Variants in APTX observed in about 807,000 individuals in gnomAD.
The protein encoded by APTX is forkhead-associated domain histidine triad-like protein.
In APTX, 33 loss-of-function variants were observed where a neutral mutation model predicts 42.3. That is an observed-to-expected ratio of 0.78 (90% CI 0.59 to 1.04). The LOEUF (loss-of-function observed/expected upper bound fraction) is 1.04. APTX is among the 50% of genes least tolerant of loss of function. The pLI is 0.00. For missense variants in APTX, 421 were observed against 415.1 expected (o/e 1.01, Z -0.12); for synonymous variants, 130 against 146.7 (o/e 0.89, Z 0.82).
intron 1 of APTX, 149 bp downstream of exon 1, chr9:33,001,418 G>A (rs1836433898): frequency 1.3e-6 from 2 of 1,540,256 alleles, no homozygotes; most frequent in Non-Finnish European, 1.7e-6. Context: ...GTAGTAACAG[G>A]GGAGGACGGA....
intron 1 of APTX, among the ~76,000 whole-genome samples, chr9:33,021,703 G>T (rs2119326911): frequency 6.6e-6 from 1 of 152,112 alleles, no homozygotes; most frequent in East Asian, 1.9e-4. Context: ...CATTAGTCAG[G>T]AAAAATAAGA....
chr9:32,997,914 G>C (rs1213331073), intron 1 of APTX, among the ~76,000 whole-genome samples: 2 of 152,222 alleles, frequency 1.3e-5, no homozygotes, highest in African/African-American at 2.4e-5. Flanking sequence ...AAGACCATCT[G>C]GGGGTGGAGG....
intron 1 of APTX, among the ~76,000 whole-genome samples, chr9:32,996,791 C>T (rs1246537864): frequency 6.6e-6 from 1 of 152,220 alleles, no homozygotes; most frequent in East Asian, 1.9e-4. Context: ...TGCTAACAGA[C>T]TGCATCACTG....
At chr9:33,013,074 A>G (rs1272301331) in intron 1 of APTX, among the ~76,000 whole-genome samples, 1 of 152,224 alleles carries the variant, frequency 6.6e-6, no homozygotes, top group Non-Finnish European at 1.5e-5. Flanking sequence ...TCAATATTTT[A>G]GTAAATCAAT....
At position 32,986,026 on chromosome 9, in the gene APTX, G is replaced by A. The variant is rs1300510296; in HGVS notation, c.488C>T (p.Ser163Phe). 4.7e-6 allele frequency: 5 copies of A among 1,072,600 alleles called. No homozygotes were observed. The highest frequency in any genetic ancestry group is 2.7e-5 in the South Asian group (2 of 75,024). The allele number at this position is 1,072,600 out of a possible 1,614,324, so 66.4% of individuals were successfully genotyped here. The stretch of plus-strand genomic sequence containing the variant: ...CAAGCCTTGACTCCAGTGGCCCAGG[G>A]ATTCCTAAAAAAAAAACAAAAAAAA... ...KGKDAPIKKE[S>F]LGHWSQGLKI... The change falls in exon 5 of 8, where the codon TCC becomes TTC. Residue 163 changes from serine to phenylalanine, a missense_variant. By Grantham distance (155) the Ser-to-Phe change is radical. Transcript: ENST00000379817.
Position 32,974,668 on chromosome 9 carries a change from T to C in APTX, c.771-107A>G, listed in dbSNP as rs910085705. ...TGTATATTCATACTATTGAATACTC[T>C]TTGAATATTCATACTATTGAAGTGA... On this transcript the variant is annotated intron_variant, in intron 6 of 7. Transcript: ENST00000379817. The C allele has an allele frequency of 6.2e-5, 43 of 698,230 alleles. No homozygotes were observed. In the African/African-American group the frequency reaches 7.4e-4, roughly 12 times the overall value. The allele number at this position is 698,230 out of a possible 1,614,324, so 43.3% of individuals were successfully genotyped here.
chr9:33,000,609 G>A (rs1420265517), intron 1 of APTX, among the ~76,000 whole-genome samples: 31 of 115,442 alleles, frequency 2.7e-4, no homozygotes, highest in Non-Finnish European at 5.1e-4. Context: ...CTGGGTAACA[G>A]AGTGAGACTC....
chr9:33,001,712 C>T, upstream of APTX: 1 of 1,468,048 alleles, frequency 6.8e-7, no homozygotes, highest in Non-Finnish European at 9.3e-7. Context: ...AGAATCTTGC[C>T]CACTTCCCAG....
At chr9:32,974,687 G>T (rs921540643) in intron 6 of APTX, 126 bp from the exon 7 acceptor site, 3 of 666,546 alleles carry the variant, frequency 4.5e-6, no homozygotes, top group Non-Finnish European at 8.1e-6. Context: ...TCATACTATT[G>T]AAGTGATAGT....
At chr9:32,998,699 A>T (rs148135905) in intron 1 of APTX, among the ~76,000 whole-genome samples, 388 of 152,156 alleles carry the variant, frequency 2.6e-3, no homozygotes, top group East Asian at 0.024. Flanking sequence ...GGAGGGGAAC[A>T]TCACACACTG....
Position 32,984,997 on chromosome 9 carries a change from AC to A in APTX, c.544-141del, listed in dbSNP as rs1831596746. The A allele has an allele frequency of 1.1e-5, 8 of 760,686 alleles. No individual in the cohort carries two copies. In the Admixed American group the frequency reaches 1.6e-4, roughly 16 times the overall value. The allele number at this position is 760,686 out of a possible 1,614,324, so 47.1% of individuals were successfully genotyped here. On this transcript the variant is annotated intron_variant, in intron 5 of 7. Transcript: ENST00000379817. ...TAGCCCAGTTTTGAGAGAGGAGAGC[AC>A]TGAAATTCAGACAGGTTGAGTGTCT...
At chr9:33,021,047 T>C (rs1838334884) in intron 1 of APTX, among the ~76,000 whole-genome samples, 1 of 151,494 alleles carries the variant, frequency 6.6e-6, no homozygotes, top group Non-Finnish European at 1.5e-5. Context: ...GAGAATCGCT[T>C]GAACCTGGGA....
chr9:33,006,999 C>CAAAAAAAAAAAAAAAAAAAAAAA (rs55924566), intron 1 of APTX, among the ~76,000 whole-genome samples: 4 of 49,444 alleles, frequency 8.1e-5, no homozygotes, highest in Non-Finnish European at 1.0e-4. Flanking sequence ...GACTCTGTCT[C>CAAAAAAAAAAAAAAAAAAAAAAA]AAAAAAAAAA....
intron 1 of APTX, 130 bp from the exon 2 acceptor site, chr9:32,990,025 T>C (rs1049096781): frequency 9.0e-7 from 1 of 1,116,306 alleles, no homozygotes; most frequent in African/African-American, 1.5e-5. Context: ...TTCACCACCC[T>C]AGTCTCAATT....
upstream of APTX, among the ~76,000 whole-genome samples, chr9:33,004,683 A>G (rs1837002295): frequency 7.5e-6 from 1 of 133,398 alleles, no homozygotes; most frequent in African/African-American, 2.9e-5. Context: ...CCCAGGCTGG[A>G]GTGCAGTGGT....
chr9:33,015,249 T>C (rs1308102751), intron 1 of APTX, among the ~76,000 whole-genome samples: 2 of 152,258 alleles, frequency 1.3e-5, no homozygotes, highest in African/African-American at 4.8e-5. Flanking sequence ...GCACAAATGC[T>C]ATGATGGAAG....
chr9:32,987,976 A>G (rs1832597115), intron 3 of APTX, 107 bp downstream of exon 3: 1 of 1,502,344 alleles, frequency 6.7e-7, no homozygotes, highest in Non-Finnish European at 9.2e-7. Context: ...TTACTCCATC[A>G]CTTCCATACA....
At chr9:32,991,815 T>C (rs1401527626) in intron 1 of APTX, among the ~76,000 whole-genome samples, 2 of 149,488 alleles carry the variant, frequency 1.3e-5, no homozygotes, top group Non-Finnish European at 3.0e-5. Context: ...ACCAAAGACT[T>C]CAAATTTGGA....
rs1554658031 is a variant in APTX at position 32,973,539 on chromosome 9, G to A, written c.988C>T (p.Pro330Ser). 1 of 1,614,040 alleles carries A rather than the reference G, an allele frequency of 6.2e-7. No homozygotes were observed. Among genetic ancestry groups the A allele is most frequent in the South Asian group, 1.1e-5 (1 of 91,074 alleles). The change falls in exon 8 of 8, where the codon CCT becomes TCT. Residue 330 changes from proline (P) to serine (S), a missense_variant. Pro to Ser is a moderately conservative substitution (Grantham distance 74, BLOSUM62 -1). Transcript: ENST00000379817. ...TTCCTGAGATGTTCTTTCAGCTGAG[G>A]AATGGAAGGCAGCAGCTGCTGGCAC... ...HECQQLLPSI[P>S]QLKEHLRKHW...
Sources: allele counts gnomAD v4.1 joint callset (sites outside exome capture counted in the v4.1 genomes callset), GRCh38; gene constraint gnomAD v4.1.1; transcripts MANE v1.5; gene names NCBI Gene and HGNC (gene_info 2026-07-23, HGNC 2026-07-21).